The following TRIM66 variants were observed in gnomAD, a reference collection of about 807,000 sequenced individuals.
TRIM66 encodes the protein tripartite motif containing 66, also known as tripartite motif-containing protein 66.
In TRIM66, 99 loss-of-function variants were observed where a neutral mutation model predicts 148.2. The observed-to-expected ratio is 0.67, with a 90% CI of 0.57 to 0.79. The LOEUF (loss-of-function observed/expected upper bound fraction) is 0.79. Ranked by LOEUF, TRIM66 falls within the 30% of genes least tolerant of loss-of-function variation. The pLI is 0.00. For synonymous variants in TRIM66, 616 were observed against 635.9 expected (o/e 0.97, Z 0.47); for missense variants, 1,666 against 1,697.9 (o/e 0.98, Z 0.33).
chr11:8,665,204 T>A (rs936177724), intron 6 of TRIM66, among the ~76,000 whole-genome samples: 1 of 152,034 alleles, frequency 6.6e-6, no homozygotes, highest in African/African-American at 2.4e-5. Context: ...CTGGACAAAC[T>A]GACTGCACTA....
chr11:8,614,350 A>T lies in TRIM66; in HGVS notation c.*3594T>A, dbSNP rs10769930. 0.23 allele frequency: 34,334 copies of T among 151,096 alleles called. 4,271 individuals are homozygous for T. The highest frequency in any genetic ancestry group is 0.3 in the Non-Finnish European group (20,252 of 67,908). 9.4% of individuals were successfully genotyped at this position (151,096 alleles called of 1,614,324 possible). On this transcript the variant is annotated 3_prime_UTR_variant, in exon 25 of 25. Transcript: ENST00000646038. ...TGAGACTCTCTCTCTCAAAAAATAA[A>T]AAATAAATAAATAAATAAATAAATA... is the stretch of plus-strand genomic sequence containing the variant.
intron 12 of TRIM66, among the ~76,000 whole-genome samples, chr11:8,645,257 A>G (rs184352269): frequency 7.9e-5 from 12 of 152,294 alleles, no homozygotes; most frequent in African/African-American, 2.4e-4. Context: ...CCTTAGATTC[A>G]AAGTATTCAA....
Position 8,622,859 on chromosome 11 carries a change from G to C in TRIM66, c.3037C>G (p.Gln1013Glu), listed in dbSNP as rs1565478489. 2 of 1,551,848 alleles carry C rather than the reference G, an allele frequency of 1.3e-6. No individual in the cohort carries two copies. The highest frequency in any genetic ancestry group is 1.2e-5 in the South Asian group (1 of 84,064). The change falls in exon 18 of 25, where the codon CAA (glutamine) becomes GAA (glutamate). Residue 1013 changes from glutamine (Q) to glutamate (E), a missense_variant. Gln to Glu is a conservative substitution (Grantham distance 29). This residue lies in a region of TRIM66 where 1,431 missense variants were observed against 1,412.4 expected (regional missense o/e 1.01). Coordinates refer to ENST00000646038, the MANE Select transcript of TRIM66 (RefSeq NM_001388022.1). Reference protein sequence around the residue: ...QNPKECENFEQGALELDAKEN... With the variant: ...QNPKECENFEEGALELDAKEN... ...TTTGCATCCAGCTCTAGGGCTCCTT[G>C]TTCAAAATTCTCACACTCTAAGGCA...
At chr11:8,636,576 C>T (rs1004318169) in intron 15 of TRIM66, among the ~76,000 whole-genome samples, 1 of 152,008 alleles carries the variant, frequency 6.6e-6, no homozygotes, top group Non-Finnish European at 1.5e-5. Context: ...GGGAAAACAC[C>T]TGGGTGTTAA....
Position 8,641,097 on chromosome 11 carries a change from T to C in TRIM66, c.1278A>G (p.Gly426=), listed in dbSNP as rs1376504022. ...AAAAGGGTGATGACCCCTGTAAGCC[T>C]CCATAAGCAGGAGCATCTGCCCTGG... ...QMSRADAPAY[G]GLQGSSPFYQ... The change falls in exon 14 of 25, where the codon GGA becomes GGG. Residue 426 remains glycine (G), a synonymous_variant. Transcript: ENST00000646038. The C allele has an allele frequency of 6.4e-7, 1 of 1,551,562 alleles. No homozygotes were observed. Among genetic ancestry groups the C allele is most frequent in the African/African-American group, 1.4e-5 (1 of 73,036 alleles).
At chr11:8,649,149 G>A (rs2037126263) in intron 8 of TRIM66, among the ~76,000 whole-genome samples, 1 of 152,218 alleles carries the variant, frequency 6.6e-6, no homozygotes, top group South Asian at 2.1e-4. Context: ...GACCAGCCTG[G>A]CCAACATGGC....
At position 8,673,477 on chromosome 11, in the gene TRIM66, C is replaced by G. The variant is rs369229109; in HGVS notation, c.-111-1092G>C. On this transcript the variant is annotated intron_variant, in intron 4 of 24. Transcript: ENST00000646038. The stretch of plus-strand genomic sequence containing the variant: ...CTGAGAGAGGGGCAGACTTAATACA[C>G]AAATAATGTATTCTTGCCACTTGAA... Among the ~76,000 whole-genome samples the G allele has an allele frequency of 1.8e-4, 27 of 152,240 alleles. No homozygotes were observed. The East Asian group carries it at 4.8e-3, about 27-fold the overall frequency.
At chr11:8,671,045 T>C (rs1425786000) in intron 6 of TRIM66, among the ~76,000 whole-genome samples, 1 of 152,240 alleles carries the variant, frequency 6.6e-6, no homozygotes, top group East Asian at 1.9e-4. Flanking sequence ...TCCCAGCACT[T>C]TGAAGTCCCC....
chr11:8,628,033 T>G (rs1044855910), intron 15 of TRIM66, among the ~76,000 whole-genome samples: 1 of 152,202 alleles, frequency 6.6e-6, no homozygotes. Flanking sequence ...GGTCTTGCTA[T>G]GTTGCCCAGG....
In TRIM66 at chr11:8,618,831, A is replaced by T; in HGVS notation, c.4038T>A (p.Ser1346Arg). Residue 1346 changes from serine (S) to arginine (R), a missense_variant, in exon 24 of 25, where the codon AGT becomes AGA. Ser to Arg is a moderately radical substitution (Grantham distance 110). Around this residue, in one of 3 missense-constraint regions of TRIM66, gnomAD observed 204 missense variants for 231.0 expected, o/e 0.88. Coordinates refer to ENST00000646038, the MANE Select transcript of TRIM66 (RefSeq NM_001388022.1). ...DSDSEEVSSESGCSTPQGFPW... is the reference protein window; with the variant it reads ...DSDSEEVSSERGCSTPQGFPW... The stretch of plus-strand genomic sequence containing the variant: ...GGAAGCCCTGGGGAGTGGAACATCC[A>T]CTCTCACTAGACACCTCCTCGGAGT... The T allele has an allele frequency of 6.4e-7, 1 of 1,550,878 alleles. No homozygotes were observed. Among genetic ancestry groups the T allele is most frequent in the Non-Finnish European group, 8.7e-7 (1 of 1,146,814 alleles).
intron 6 of TRIM66, among the ~76,000 whole-genome samples, chr11:8,655,675 G>C (rs945300637): frequency 2.6e-5 from 4 of 151,992 alleles, no homozygotes; most frequent in African/African-American, 9.7e-5. Flanking sequence ...TCCCAGCCTC[G>C]GGAGGCCAAG....
chr11:8,623,021 A>G (rs1271289529), intron 17 of TRIM66, 145 bp from the exon 18 acceptor site: 3 of 570,490 alleles, frequency 5.3e-6, no homozygotes, highest in Admixed American at 3.1e-5. Context: ...TCATTCATAC[A>G]TAGTGGTGAC....
Position 8,648,440 on chromosome 11 carries a change from A to G in TRIM66, c.701T>C (p.Leu234Pro), listed in dbSNP as rs1185554302. Residue 234 changes from leucine (L) to proline (P), a missense_variant, in exon 9 of 25, where the codon CTA becomes CCA. Transcript: ENST00000646038. ...TCDMLTCHSC[L>P]VVEHKEHRCR... ...CCTGTGTTCTTTGTGTTCCACCACT[A>G]GGCAGCTATGGCAAGTGAGCATATC... 4.5e-6 allele frequency: 7 copies of G among 1,551,598 alleles called. No homozygotes were observed. In the South Asian group the frequency reaches 7.1e-5, roughly 16 times the overall value.
chr11:8,623,447 A>G (rs147531006), intron 17 of TRIM66, among the ~76,000 whole-genome samples: 348 of 152,390 alleles, frequency 2.3e-3, no homozygotes, highest in African/African-American at 7.4e-3. Flanking sequence ...GGGTCTAAAA[A>G]GTTTAACTGC....
At chr11:8,653,804 G>C (rs2037574886) in intron 6 of TRIM66, among the ~76,000 whole-genome samples, 1 of 151,024 alleles carries the variant, frequency 6.6e-6, no homozygotes, top group African/African-American at 2.4e-5. Context: ...AAAAAGAAAA[G>C]AAAAGAAAAG....
chr11:8,640,511 G>C lies in TRIM66; in HGVS notation c.1864C>G (p.Gln622Glu), dbSNP rs200613552. The C allele has an allele frequency of 2.6e-3, 4,025 of 1,541,812 alleles. 14 individuals carry two copies. Among genetic ancestry groups the C allele is most frequent in the Admixed American group, 2.8e-3 (139 of 50,514 alleles). ...GATGGAGGAAGAGGTGGGTGTGGCT[G>C]CTGTGGGGGAGGGGGAAGGGGAGGT... is the stretch of plus-strand genomic sequence containing the variant. Reference protein sequence around the residue: ...PPPPLPPPPQQPHPPLPPSQH... With the variant: ...PPPPLPPPPQEPHPPLPPSQH... The change falls in exon 14 of 25, where the codon CAG (glutamine) becomes GAG (glutamate). Residue 622 changes from glutamine (Q) to glutamate (E), a missense_variant. By Grantham distance (29) the Gln-to-Glu change is conservative (BLOSUM62 2). This residue lies in a region of TRIM66 where 1,431 missense variants were observed against 1,412.4 expected (regional missense o/e 1.01). Transcript: ENST00000646038.
Position 8,671,950 on chromosome 11 carries a change from C to T in TRIM66, c.176G>A (p.Gly59Glu), listed in dbSNP as rs773614345. 3.9e-6 allele frequency: 6 copies of T among 1,536,148 alleles called. No homozygotes were observed. The South Asian group carries it at 4.8e-5, about 12-fold the overall frequency. The change falls in exon 6 of 25, where the codon GGA becomes GAA. Residue 59 changes from glycine (G) to glutamate (E), a missense_variant. By Grantham distance (98) the Gly-to-Glu change is moderately conservative. Around this residue, in one of 3 missense-constraint regions of TRIM66, gnomAD observed 1,431 missense variants for 1,412.4 expected, o/e 1.01. Transcript: ENST00000646038. The part of the protein sequence containing the change: ...LAGQKHCPKS[G>E]QMEAMVMTCS... ...GGTCATTACCATGGCCTCCATCTGT[C>T]CACTCTTAGGGCAGTGTTTCTGGCC...
Position 8,640,969 on chromosome 11 carries a change from T to A in TRIM66, c.1406A>T (p.His469Leu), listed in dbSNP as rs11042023. Reference protein sequence around the residue: ...AVCSSSVCCSHCSPVSPSLKG... With the variant: ...AVCSSSVCCSLCSPVSPSLKG... The stretch of plus-strand genomic sequence containing the variant: ...GAGGGAAGGCGAGACTGGGGAGCAG[T>A]GGGAGCAGCACACAGATGAGGAGCA... Residue 469 changes from histidine to leucine, a missense_variant, in exon 14 of 25, where the codon CAC (histidine) becomes CTC (leucine). Around this residue, in one of 3 missense-constraint regions of TRIM66, gnomAD observed 1,431 missense variants for 1,412.4 expected, o/e 1.01. Coordinates refer to ENST00000646038, the MANE Select transcript of TRIM66 (RefSeq NM_001388022.1). The A allele has an allele frequency of 1.9e-6, 3 of 1,550,880 alleles. No homozygotes were observed. Among genetic ancestry groups the A allele is most frequent in the Admixed American group, 3.9e-5 (2 of 50,972 alleles).
intron 7 of TRIM66, among the ~76,000 whole-genome samples, chr11:8,650,224 T>G (rs2037237042): frequency 6.6e-6 from 1 of 151,860 alleles, no homozygotes; most frequent in African/African-American, 2.4e-5. Context: ...AATACAAAAA[T>G]TAGCCGGGAG....
Sources: gnomAD v4.1 joint callset for allele counts (sites outside exome capture counted in the v4.1 genomes callset) on GRCh38, gnomAD v4.1.1 for gene constraint, gnomAD v4.1.1 regional missense constraint, MANE v1.5 for transcripts, NCBI Gene and HGNC (gene_info 2026-07-23, HGNC 2026-07-21) for gene names.